ARL5B: variants seen among roughly 807,000 people sequenced by gnomAD.
ARL5B encodes ADP-ribosylation factor-like protein 5B.
A neutral mutation model predicts 26.9 loss-of-function variants in ARL5B; 10 were observed. The observed-to-expected ratio is 0.37, with a 90% confidence interval of 0.23 to 0.63. The LOEUF is 0.63. Among genes scored for constraint, ARL5B ranks in the 30% least tolerant of loss-of-function variants. The pLI is 0.62. For synonymous variants in ARL5B, 87 were observed against 70.4 expected, an observed-to-expected ratio of 1.24 and a Z score of -1.18; for missense variants, 167 against 213.9, an observed-to-expected ratio of 0.78 and a Z score of 1.37.
rs1444608565 is a variant in ARL5B at position 18,678,878 on chromosome 10, T to C, written c.*3662T>C. Reference sequence around the variant, plus strand: ...AATTGTCTAGTTGACCTTAGACAATTAGTGTCCATGGCTTTCCTTTTGTTT... The same window carrying C: ...AATTGTCTAGTTGACCTTAGACAATCAGTGTCCATGGCTTTCCTTTTGTTT... On this transcript the variant is annotated 3_prime_UTR_variant, in exon 6 of 6. Coordinates refer to ENST00000377275, the MANE Select transcript of ARL5B (RefSeq NM_178815.5). The C allele has an allele frequency of 6.6e-6, 1 of 151,878 alleles. No individual in the cohort carries two copies. Among genetic ancestry groups the C allele is most frequent in the Non-Finnish European group, 1.5e-5 (1 of 67,798 alleles). The allele number at this position is 151,878 out of a possible 1,614,324, so 9.4% of individuals were successfully genotyped here.
At chr10:18,667,914 C>A (rs985340835) in intron 2 of ARL5B, among the ~76,000 whole-genome samples, 10 of 152,072 alleles carry the variant, frequency 6.6e-5, no homozygotes, top group African/African-American at 2.4e-4. Context: ...GAGGCTTCAC[C>A]ATGTTGGTCA....
chr10:18,661,009 C>T (rs955017863), intron 1 of ARL5B, among the ~76,000 whole-genome samples: 2 of 152,070 alleles, frequency 1.3e-5, no homozygotes, highest in African/African-American at 2.4e-5. Flanking sequence ...CCACCACGCC[C>T]GGCCTATTTT....
chr10:18,666,778 A>G, intron 2 of ARL5B, 143 bp downstream of exon 2: 1 of 622,900 alleles, frequency 1.6e-6, no homozygotes, highest in Non-Finnish European at 2.6e-6. Context: ...TACCGAACAC[A>G]ATCTATAGAA....
In ARL5B at chr10:18,666,187, A is replaced by T. The variant is rs1284236196; in HGVS notation, c.47-388A>T. Among the ~76,000 whole-genome samples, 8 of 152,226 alleles carry T rather than the reference A, an allele frequency of 5.3e-5. No homozygotes were observed. The East Asian group carries it at 1.5e-3, about 29-fold the overall frequency. On this transcript the variant is annotated intron_variant, in intron 1 of 5. Coordinates refer to ENST00000377275, the MANE Select transcript of ARL5B (RefSeq NM_178815.5). ...CAGATATGAAAACATTTTGATAAAAAGCTAACTTGATTGGTACAGAGCTAA... is the reference window on the plus strand; with the variant it reads ...CAGATATGAAAACATTTTGATAAAATGCTAACTTGATTGGTACAGAGCTAA...
intron 1 of ARL5B, among the ~76,000 whole-genome samples, chr10:18,663,983 G>T (rs1177871867): frequency 1.3e-5 from 2 of 150,384 alleles, no homozygotes; most frequent in Non-Finnish European, 3.0e-5. Flanking sequence ...GAGACGGAGT[G>T]TTGCTCTGTC....
intron 1 of ARL5B, chr10:18,659,957 G>A (rs1205399535): frequency 1.0e-6 from 1 of 984,508 alleles, no homozygotes; most frequent in Non-Finnish European, 1.2e-6. Flanking sequence ...GCGGGATACA[G>A]CTAATGATGC....
At chr10:18,663,553 T>TTG (rs1379832487) in intron 1 of ARL5B, among the ~76,000 whole-genome samples, 1 of 140,864 alleles carries the variant, frequency 7.1e-6, no homozygotes, top group East Asian at 2.1e-4. Flanking sequence ...GCTCTTTTTT[T>TTG]TTTTTTTTTT....
At chr10:18,670,988 G>A (rs1052523076) in intron 3 of ARL5B, among the ~76,000 whole-genome samples, 10 of 152,224 alleles carry the variant, frequency 6.6e-5, no homozygotes, top group Non-Finnish European at 1.2e-4. Context: ...CCCCAAAAGC[G>A]GTAGTATGTC....
At chr10:18,671,824 A>AT (rs1226853261) in intron 3 of ARL5B, among the ~76,000 whole-genome samples, 2 of 151,932 alleles carry the variant, frequency 1.3e-5, no homozygotes, top group African/African-American at 2.4e-5. Context: ...GCTAATTTTT[A>AT]TTTTTTGTAG....
intron 4 of ARL5B, among the ~76,000 whole-genome samples, chr10:18,673,414 GC>G (rs2059896740): frequency 6.6e-6 from 1 of 151,888 alleles, no homozygotes; most frequent in Non-Finnish European, 1.5e-5. Flanking sequence ...TCTGAATCTT[GC>G]TCTTTTTGTA....
At chr10:18,663,322 A>G (rs2059845404) in intron 1 of ARL5B, among the ~76,000 whole-genome samples, 1 of 152,126 alleles carries the variant, frequency 6.6e-6, no homozygotes, top group East Asian at 1.9e-4. Flanking sequence ...AGTGTTACCC[A>G]GAATTAAGAA....
Position 18,663,707 on chromosome 10 carries a change from C to T in ARL5B, c.47-2868C>T, listed in dbSNP as rs145892284. 2.2e-3 allele frequency among the ~76,000 whole-genome samples: 339 copies of T among 151,686 alleles called. 2 individuals are homozygous for T. The highest frequency in any genetic ancestry group is 7.5e-3 in the African/African-American group (310 of 41,358). On this transcript the variant is annotated intron_variant, in intron 1 of 5. Coordinates refer to ENST00000377275, the MANE Select transcript of ARL5B (RefSeq NM_178815.5). Reference sequence around the variant, plus strand: ...GGGACTACAGGTGTCTGCCACCACGCCCGGCTGATTTTCTGTATTTTTAGT... The same window carrying T: ...GGGACTACAGGTGTCTGCCACCACGTCCGGCTGATTTTCTGTATTTTTAGT...
At chr10:18,670,610 CA>C (rs201444132) in intron 3 of ARL5B, among the ~76,000 whole-genome samples, 1 of 149,346 alleles carries the variant, frequency 6.7e-6, no homozygotes, top group East Asian at 2.0e-4. Context: ...CGCTCTCTCT[CA>C]AAAAAAAAGA....
At chr10:18,674,277 G>T in intron 5 of ARL5B, 142 bp downstream of exon 5, 1 of 663,006 alleles carries the variant, frequency 1.5e-6, no homozygotes, top group South Asian at 4.1e-5. Flanking sequence ...TGTGTCTCAG[G>T]CTTACAACCT....
chr10:18,672,919 C>T (rs2059894222), intron 4 of ARL5B, among the ~76,000 whole-genome samples: 1 of 152,078 alleles, frequency 6.6e-6, no homozygotes, highest in African/African-American at 2.4e-5. Context: ...TAGATTACTA[C>T]TGTTATTGTA....
Position 18,659,656 on chromosome 10 carries a change from A to C in ARL5B, c.19A>C (p.Lys7Gln). 1 of 1,613,358 alleles carries C rather than the reference A, an allele frequency of 6.2e-7. No individual in the cohort carries two copies. The highest frequency in any genetic ancestry group is 8.5e-7 in the Non-Finnish European group (1 of 1,179,736). Residue 7 changes from lysine to glutamine, a missense_variant, in exon 1 of 6, where the codon AAA becomes CAA. Lys to Gln is a moderately conservative substitution (Grantham distance 53). Coordinates refer to ENST00000377275, the MANE Select transcript of ARL5B (RefSeq NM_178815.5). ...GCTCGTGATGGGGCTGATCTTCGCCAAACTGTGGAGCCTCTTCTGTAACCA... is the reference window on the plus strand; with the variant it reads ...GCTCGTGATGGGGCTGATCTTCGCCCAACTGTGGAGCCTCTTCTGTAACCA... MGLIFA[K>Q]LWSLFCNQEH...
At position 18,668,682 on chromosome 10, in the gene ARL5B, G is replaced by A; in HGVS notation, c.255+5G>A. The A allele has an allele frequency of 1.9e-6, 3 of 1,611,682 alleles. No homozygotes were observed. The highest frequency in any genetic ancestry group is 2.5e-6 in the Non-Finnish European group (3 of 1,179,042). ...ACATATTACTCAAATACAGAGGTAT[G>A]CTAAGATGAATTTTGAATTTTAATC... On this transcript the variant is annotated splice_donor_5th_base_variant and intron_variant, in intron 3 of 5. Coordinates refer to ENST00000377275, the MANE Select transcript of ARL5B (RefSeq NM_178815.5).
At position 18,674,008 on chromosome 10, in the gene ARL5B, A is replaced by G. The variant is rs752754033; in HGVS notation, c.364A>G (p.Ile122Val). 4 of 1,611,338 alleles carry G rather than the reference A, an allele frequency of 2.5e-6. No homozygotes were observed. Among genetic ancestry groups the G allele is most frequent in the Non-Finnish European group, 2.5e-6 (3 of 1,178,910 alleles). Reference sequence around the variant, plus strand: ...GGATTTACGGAAGGCTGCAGTCCTTATCTTTGCAAATAAACAGGATATGAA... The same window carrying G: ...GGATTTACGGAAGGCTGCAGTCCTTGTCTTTGCAAATAAACAGGATATGAA... ...HEDLRKAAVLIFANKQDMKGC... is the reference protein window; with the variant it reads ...HEDLRKAAVLVFANKQDMKGC... Residue 122 changes from isoleucine to valine, a missense_variant, in exon 5 of 6, where the codon ATC becomes GTC. Coordinates refer to ENST00000377275, the MANE Select transcript of ARL5B (RefSeq NM_178815.5).
At chr10:18,667,791 C>T (rs561435355) in intron 2 of ARL5B, among the ~76,000 whole-genome samples, 3 of 152,026 alleles carry the variant, frequency 2.0e-5, no homozygotes, top group South Asian at 2.1e-4. Context: ...AGTGCAATGG[C>T]GTGATCTCCA....
Sources: gnomAD v4.1 joint callset for allele counts (sites outside exome capture counted in the v4.1 genomes callset) on GRCh38, gnomAD v4.1.1 for gene constraint, MANE v1.5 for transcripts, NCBI Gene and HGNC (gene_info 2026-07-23, HGNC 2026-07-21) for gene names.